The following FHOD3 variants were observed in gnomAD, a reference collection of about 807,000 sequenced individuals.
FHOD3 encodes the protein FH1/FH2 domain-containing protein 3.
In FHOD3, 90 loss-of-function variants were observed where a neutral mutation model predicts 173.0. The ratio of observed to expected loss-of-function variants is 0.52; its 90% CI spans 0.44 to 0.62. FHOD3 has a LOEUF of 0.62. FHOD3 is among the 20% of genes least tolerant of loss of function. FHOD3 has a pLI of 0.00. For missense variants in FHOD3, 1,945 were observed against 2,034.7 expected, an observed-to-expected ratio of 0.96 and a Z score of 0.85; for synonymous variants, 828 against 823.0, an observed-to-expected ratio of 1.01 and a Z score of -0.10.
chr18:36,363,574 C>G (rs2046740012), intron 2 of FHOD3, among the ~76,000 whole-genome samples: 1 of 152,134 alleles, frequency 6.6e-6, no homozygotes, highest in South Asian at 2.1e-4. Context: ...CAAATTATGA[C>G]ATTCCGAGAA....
chr18:36,608,449 G>A (rs985477866), intron 8 of FHOD3, among the ~76,000 whole-genome samples: 1 of 152,158 alleles, frequency 6.6e-6, no homozygotes, highest in African/African-American at 2.4e-5. Flanking sequence ...CTGCTTAAAG[G>A]TTCTCCCTTC....
chr18:36,305,124 T>C (rs895389998), intron 1 of FHOD3, among the ~76,000 whole-genome samples: 2 of 152,158 alleles, frequency 1.3e-5, no homozygotes, highest in Non-Finnish European at 2.9e-5. Flanking sequence ...AGATCAATTA[T>C]TTTTTGAAAA....
chr18:36,434,985 T>C (rs1054263979), intron 3 of FHOD3, among the ~76,000 whole-genome samples: 1 of 152,076 alleles, frequency 6.6e-6, no homozygotes, highest in Admixed American at 6.5e-5. Context: ...GTAAATAAAG[T>C]CAGTAGCTTA....
intron 28 of FHOD3, among the ~76,000 whole-genome samples, chr18:36,774,110 C>G (rs879443930): frequency 2.6e-5 from 4 of 152,172 alleles, no homozygotes; most frequent in Non-Finnish European, 5.9e-5. Flanking sequence ...CCTTTCGGGC[C>G]AAACTCTCCC....
intron 9 of FHOD3, among the ~76,000 whole-genome samples, chr18:36,618,798 T>C (rs2033458286): frequency 6.6e-6 from 1 of 152,174 alleles, no homozygotes; most frequent in African/African-American, 2.4e-5. Flanking sequence ...AGCATCACTG[T>C]TATAGTAGCA....
At chr18:36,728,725 G>C (rs893881745) in intron 19 of FHOD3, among the ~76,000 whole-genome samples, 1 of 152,132 alleles carries the variant, frequency 6.6e-6, no homozygotes, top group Non-Finnish European at 1.5e-5. Context: ...GTTTCTCCTC[G>C]ATGCCTCACG....
At position 36,322,452 on chromosome 18, in the gene FHOD3, G is replaced by C. The variant is rs565380874; in HGVS notation, c.165+24452G>C. ...AAGGCCCCTTCTGTTGTGGGGATGG[G>C]TGAAGGGGTAAGGCAGGAGCAGGTA... On this transcript the variant is annotated intron_variant, in intron 1 of 28. Coordinates refer to ENST00000590592, the MANE Select transcript of FHOD3 (RefSeq NM_001281740.3). Among the ~76,000 whole-genome samples, 4 of 152,222 alleles carry C rather than the reference G, an allele frequency of 2.6e-5. No individual in the cohort carries two copies. In the East Asian group the frequency reaches 7.7e-4, roughly 29 times the overall value.
intron 3 of FHOD3, among the ~76,000 whole-genome samples, chr18:36,492,287 C>G (rs1257297140): frequency 6.6e-6 from 1 of 152,150 alleles, no homozygotes; most frequent in African/African-American, 2.4e-5. Context: ...TCCCCAGGCT[C>G]ACAGGTTCTG....
intron 3 of FHOD3, among the ~76,000 whole-genome samples, chr18:36,477,493 A>G (rs898767233): frequency 1.8e-5 from 1 of 54,688 alleles, no homozygotes; most frequent in African/African-American, 9.8e-5. Context: ...CCACCCATCC[A>G]TCCATCCATC....
intron 3 of FHOD3, among the ~76,000 whole-genome samples, chr18:36,448,905 C>G (rs1011594580): frequency 1.3e-5 from 2 of 151,784 alleles, no homozygotes; most frequent in African/African-American, 2.4e-5. Flanking sequence ...AAACATGCAG[C>G]CTCTGTCCTC....
At chr18:36,718,761 G>C in intron 19 of FHOD3, 46 bp downstream of exon 19, 1 of 1,579,336 alleles carries the variant, frequency 6.3e-7, no homozygotes, top group South Asian at 1.2e-5. Context: ...GTTGGGTAGG[G>C]CTGAAGAGAT....
intron 11 of FHOD3, among the ~76,000 whole-genome samples, chr18:36,650,024 C>T (rs183751691): frequency 4.6e-5 from 7 of 152,262 alleles, no homozygotes; most frequent in East Asian, 1.9e-4. Flanking sequence ...CCTCAGGCAA[C>T]GCTGACAGAC....
chr18:36,359,228 G>T (rs547097117), intron 2 of FHOD3, among the ~76,000 whole-genome samples: 4 of 152,222 alleles, frequency 2.6e-5, no homozygotes, highest in Non-Finnish European at 5.9e-5. Flanking sequence ...CATACCATGT[G>T]TTCTGAGTTT....
intron 6 of FHOD3, among the ~76,000 whole-genome samples, chr18:36,583,060 T>C (rs1436536390): frequency 6.6e-6 from 1 of 152,236 alleles, no homozygotes; most frequent in African/African-American, 2.4e-5. Context: ...AAAAAATGAA[T>C]AAGCAGATCT....
chr18:36,676,774 T>A (rs779974066), intron 14 of FHOD3, among the ~76,000 whole-genome samples: 4 of 152,216 alleles, frequency 2.6e-5, no homozygotes, highest in Non-Finnish European at 5.9e-5. Flanking sequence ...TGATTTCTAG[T>A]GAAGATGAGC....
chr18:36,476,340 G>A (rs2053573948), intron 3 of FHOD3, among the ~76,000 whole-genome samples: 1 of 152,210 alleles, frequency 6.6e-6, no homozygotes, highest in African/African-American at 2.4e-5. Flanking sequence ...CAGAAGGCAG[G>A]AAGGAATCTC....
intron 3 of FHOD3, among the ~76,000 whole-genome samples, chr18:36,480,549 G>C (rs2053826925): frequency 6.6e-6 from 1 of 152,126 alleles, no homozygotes; most frequent in Non-Finnish European, 1.5e-5. Context: ...TTATTCAAAG[G>C]CCTTTTCCAT....
chr18:36,583,425 G>C (rs2058922745), intron 6 of FHOD3, among the ~76,000 whole-genome samples: 1 of 152,198 alleles, frequency 6.6e-6, no homozygotes, highest in Non-Finnish European at 1.5e-5. Context: ...CCTGCCCTAG[G>C]AGTACAGGGT....
chr18:36,354,246 G>A (rs2046258053), intron 1 of FHOD3, among the ~76,000 whole-genome samples: 1 of 152,190 alleles, frequency 6.6e-6, no homozygotes, highest in Non-Finnish European at 1.5e-5. Flanking sequence ...GAGTGTAGTG[G>A]TTGAGACCAT....
Sources: gnomAD v4.1 joint callset for allele counts (sites outside exome capture counted in the v4.1 genomes callset) on GRCh38, gnomAD v4.1.1 for gene constraint, MANE v1.5 for transcripts, NCBI Gene and HGNC (gene_info 2026-07-23, HGNC 2026-07-21) for gene names.